Variants in GNG7 observed in about 807,000 individuals in gnomAD.
GNG7 encodes guanine nucleotide-binding protein G(I)/G(S)/G(O) subunit gamma-7.
A neutral mutation model predicts 4.0 loss-of-function variants in GNG7; 1 was observed. The observed-to-expected ratio is 0.25, with a 90% CI of 0.09 to 1.18. The LOEUF (loss-of-function observed/expected upper bound fraction) is 1.18, where lower values mean the gene tolerates loss of function less well. GNG7 is among the 50% of genes most tolerant of loss of function. GNG7 has a pLI of 0.50. For missense variants in GNG7, 86 were observed against 91.9 expected (o/e 0.94, Z 0.26); for synonymous variants, 34 against 36.9 (o/e 0.92, Z 0.29).
At chr19:2,650,520 C>T (rs145566567) in intron 1 of GNG7, among the ~76,000 whole-genome samples, 2 of 152,290 alleles carry the variant, frequency 1.3e-5, no homozygotes, top group Admixed American at 6.5e-5. Flanking sequence ...TTCTCACTCT[C>T]TGCCTTCACT....
chr19:2,562,779 T>C (rs1292493199), intron 2 of GNG7, among the ~76,000 whole-genome samples: 8 of 152,214 alleles, frequency 5.3e-5, no homozygotes, highest in African/African-American at 1.7e-4. Flanking sequence ...TCTGCCCTGC[T>C]GAGTTCCCAG....
At chr19:2,539,438 G>A (rs1978871862) in intron 3 of GNG7, among the ~76,000 whole-genome samples, 2 of 151,714 alleles carry the variant, frequency 1.3e-5, no homozygotes, top group Admixed American at 6.6e-5. Context: ...CCGAGCAGCT[G>A]GGATTACAGG....
At chr19:2,632,476 ACACACACACACACACACAC>A (rs1982188122) in intron 2 of GNG7, 2 of 96,564 alleles carry the variant, frequency 2.1e-5, no homozygotes, top group African/African-American at 6.8e-5. Flanking sequence ...AACAAAACTC[ACACACACACACACACACAC>A]ACACACACAC....
intron 3 of GNG7, among the ~76,000 whole-genome samples, chr19:2,527,513 G>C (rs781131922): frequency 6.6e-6 from 1 of 152,212 alleles, no homozygotes; most frequent in Non-Finnish European, 1.5e-5. Context: ...GCAGATGGCT[G>C]AGCAGACAAA....
At chr19:2,685,115 ACT>A (rs1017583782) in intron 1 of GNG7, among the ~76,000 whole-genome samples, 2 of 149,510 alleles carry the variant, frequency 1.3e-5, no homozygotes, top group African/African-American at 4.9e-5. Flanking sequence ...CAAGAGCGAG[ACT>A]CTGTCTAAAA....
chr19:2,642,947 A>C (rs1337517764), intron 2 of GNG7: 1 of 443,788 alleles, frequency 2.3e-6, no homozygotes, highest in African/African-American at 2.2e-5. Flanking sequence ...GGCTCTGCAC[A>C]CCTTCTGGCC....
intron 3 of GNG7, among the ~76,000 whole-genome samples, chr19:2,552,157 G>T (rs930760139): frequency 1.3e-5 from 2 of 152,048 alleles, no homozygotes; most frequent in East Asian, 3.9e-4. Context: ...TAATGGCCTC[G>T]ACTGGCCAAC....
rs758036045 is a variant in GNG7, at chr19:2,665,273, G to A, written c.-134-18993C>T. ...TCCTGAGCACTGCAGCACGCTGAGC[G>A]GCATCCGTGACCTCCAGCCACTGCA... On this transcript the variant is annotated intron_variant, in intron 1 of 4. Coordinates refer to ENST00000382159, the MANE Select transcript of GNG7 (RefSeq NM_052847.3). Among the ~76,000 whole-genome samples the A allele has an allele frequency of 7.2e-5, 11 of 151,752 alleles. No individual in the cohort carries two copies. In the East Asian group the frequency reaches 1.4e-3, roughly 19 times the overall value.
chr19:2,517,666 G>C (rs894310870), intron 4 of GNG7, among the ~76,000 whole-genome samples: 1 of 152,242 alleles, frequency 6.6e-6, no homozygotes, highest in Non-Finnish European at 1.5e-5. Context: ...TGCCTGGCCT[G>C]GCCATAATTT....
At chr19:2,637,643 C>T (rs938936558) in intron 2 of GNG7, among the ~76,000 whole-genome samples, 2 of 152,226 alleles carry the variant, frequency 1.3e-5, no homozygotes, top group African/African-American at 4.8e-5. Context: ...CACACCTGCT[C>T]ACCACTAATT....
intron 2 of GNG7, among the ~76,000 whole-genome samples, chr19:2,605,727 T>G (rs1047878200): frequency 6.7e-6 from 1 of 150,110 alleles, no homozygotes; most frequent in African/African-American, 2.5e-5. Context: ...TTGGCCAGCA[T>G]GGTCTCGATC....
chr19:2,631,784 A>G (rs562000882), intron 2 of GNG7, among the ~76,000 whole-genome samples: 1 of 152,224 alleles, frequency 6.6e-6, no homozygotes, highest in Non-Finnish European at 1.5e-5. Flanking sequence ...TTATTTATAA[A>G]AACAGGAACT....
chr19:2,687,742 G>A (rs992196079), intron 1 of GNG7, among the ~76,000 whole-genome samples: 15 of 151,792 alleles, frequency 9.9e-5, no homozygotes, highest in African/African-American at 1.5e-4. Flanking sequence ...TTGGGAGGCC[G>A]AGGCAGGCAG....
intron 3 of GNG7, among the ~76,000 whole-genome samples, chr19:2,543,623 T>C (rs11879623): frequency 0.48 from 73,650 of 151,968 alleles, 18,106 homozygotes; most frequent in African/African-American, 0.54. Context: ...CGTCCTCCCA[T>C]GGCTGCTTCC....
At chr19:2,568,896 A>C (rs558721206) in intron 2 of GNG7, among the ~76,000 whole-genome samples, 8 of 152,094 alleles carry the variant, frequency 5.3e-5, no homozygotes, top group African/African-American at 1.9e-4. Context: ...GTGCACACAC[A>C]TATCCACACT....
At chr19:2,600,181 C>T (rs1981156248) in intron 2 of GNG7, among the ~76,000 whole-genome samples, 1 of 150,512 alleles carries the variant, frequency 6.6e-6, no homozygotes, top group Non-Finnish European at 1.5e-5. Context: ...TACAAGTTAA[C>T]ATAATCCCAT....
chr19:2,697,947 G>A (rs1020522329), intron 1 of GNG7, among the ~76,000 whole-genome samples: 45 of 151,712 alleles, frequency 3.0e-4, no homozygotes, highest in Middle Eastern at 3.4e-3. Context: ...ACTCCAGCCT[G>A]GGCAATGAAC....
intron 3 of GNG7, among the ~76,000 whole-genome samples, chr19:2,533,784 A>T (rs1324506449): frequency 6.6e-6 from 1 of 152,230 alleles, no homozygotes; most frequent in Non-Finnish European, 1.5e-5. Context: ...TAGAAAATGC[A>T]GGAAGAAGTG....
At chr19:2,581,169 G>A (rs1454781900) in intron 2 of GNG7, among the ~76,000 whole-genome samples, 2 of 152,054 alleles carry the variant, frequency 1.3e-5, no homozygotes, top group Non-Finnish European at 2.9e-5. Flanking sequence ...AATGCACTAT[G>A]ATGTCCCTCA....
Sources: gnomAD v4.1 joint callset for allele counts (sites outside exome capture counted in the v4.1 genomes callset) on GRCh38, gnomAD v4.1.1 for gene constraint, MANE v1.5 for transcripts, NCBI Gene and HGNC (gene_info 2026-07-23, HGNC 2026-07-21) for gene names.